Variants in AGO3 observed in about 807,000 individuals in gnomAD.
The protein encoded by AGO3 is argonaute RISC catalytic component 3, also known as protein argonaute-3.
A neutral mutation model predicts 105.5 loss-of-function variants in AGO3; 16 were observed. That is an observed-to-expected ratio of 0.15 (90% confidence interval 0.10 to 0.23). The LOEUF (loss-of-function observed/expected upper bound fraction) is 0.23, where lower values mean the gene tolerates loss of function less well. Ranked by LOEUF, AGO3 falls within the 10% of genes least tolerant of loss-of-function variation. AGO3 has a pLI of 1.00. For missense variants in AGO3, 534 were observed against 1,088.0 expected (o/e 0.49, Z 7.16); for synonymous variants, 340 against 367.3 (o/e 0.93, Z 0.85).
At chr1:36,029,837 C>A (rs149932522) in intron 12 of AGO3, among the ~76,000 whole-genome samples, 1 of 151,852 alleles carries the variant, frequency 6.6e-6, no homozygotes, top group East Asian at 1.9e-4. Context: ...GGTCTATAGG[C>A]GCGTGCCACC....
intron 17 of AGO3, among the ~76,000 whole-genome samples, chr1:36,048,528 C>T (rs1642569718): frequency 6.6e-6 from 1 of 151,974 alleles, no homozygotes; most frequent in South Asian, 2.1e-4. Flanking sequence ...AAGATTCAAA[C>T]CTTGTTGCTC....
rs1316704079 is a variant in AGO3, at chr1:36,061,270, A to G, written c.*5525A>G. The G allele has an allele frequency of 6.6e-6, 1 of 152,084 alleles. No individual in the cohort carries two copies. Among genetic ancestry groups the G allele is most frequent in the African/African-American group, 2.4e-5 (1 of 41,400 alleles). 9.4% of individuals were successfully genotyped at this position (152,084 alleles called of 1,614,324 possible). On this transcript the variant is annotated 3_prime_UTR_variant, in exon 19 of 19. Coordinates refer to ENST00000373191, the MANE Select transcript of AGO3 (RefSeq NM_024852.4). ...GAAAAATTATTTTGACTTTTTTCCT[A>G]CTTTTAAAATGGTACATTTAAGTTT...
intron 5 of AGO3, chr1:35,982,737 T>A (rs1346786474): frequency 2.9e-6 from 2 of 687,134 alleles, no homozygotes; most frequent in Non-Finnish European, 5.3e-6. Context: ...TGGTCTAATG[T>A]GGGATGGAGA....
chr1:35,987,492 C>CA (rs894858246), intron 5 of AGO3, among the ~76,000 whole-genome samples: 78 of 146,832 alleles, frequency 5.3e-4, no homozygotes, highest in Non-Finnish European at 8.1e-4. Flanking sequence ...GACTCTGTTT[C>CA]AAAAAAAAAG....
intron 17 of AGO3, among the ~76,000 whole-genome samples, chr1:36,051,313 A>G (rs1472590253): frequency 6.6e-6 from 1 of 152,214 alleles, no homozygotes; most frequent in Non-Finnish European, 1.5e-5. Flanking sequence ...TTAAGAAGAA[A>G]TTTTTAAAAT....
At chr1:36,044,080 C>T (rs916529718) in intron 17 of AGO3, among the ~76,000 whole-genome samples, 1 of 152,168 alleles carries the variant, frequency 6.6e-6, no homozygotes, top group African/African-American at 2.4e-5. Context: ...CATGGTGGCT[C>T]ACGCCTATAA....
intron 3 of AGO3, among the ~76,000 whole-genome samples, chr1:35,968,300 G>A (rs976916726): frequency 2.0e-5 from 3 of 152,066 alleles, no homozygotes; most frequent in Non-Finnish European, 2.9e-5. Context: ...AAAATTTACC[G>A]TCTTAACCAT....
At position 36,013,935 on chromosome 1, in the gene AGO3, G is replaced by A. The variant is rs1350354107; in HGVS notation, c.1293G>A (p.Pro431=). The change falls in exon 11 of 19, where the codon CCG becomes CCA. Residue 431 remains proline (P), a synonymous_variant. Transcript: ENST00000373191. ...TGTAGAATCGGACAGTAGCAACACC[G>A]AGCCATGGAGTATGGGACATGCGAG... ...YGGRNRTVAT[P]SHGVWDMRGK... 5.6e-6 allele frequency: 9 copies of A among 1,612,164 alleles called. No individual in the cohort carries two copies. The highest frequency in any genetic ancestry group is 2.2e-5 in the East Asian group (1 of 44,754).
At chr1:36,013,784 A>G (rs780040981) in intron 10 of AGO3, 32 bp downstream of exon 10, 4 of 1,607,924 alleles carry the variant, frequency 2.5e-6, no homozygotes, top group African/African-American at 1.3e-5. Context: ...TTAATCATAC[A>G]CATATTGTCT....
intron 5 of AGO3, among the ~76,000 whole-genome samples, chr1:35,976,236 A>G (rs1364846646): frequency 2.0e-5 from 3 of 152,024 alleles, no homozygotes; most frequent in African/African-American, 7.2e-5. Context: ...CACCCAGGCC[A>G]TTTCTTGTTA....
intron 17 of AGO3, among the ~76,000 whole-genome samples, chr1:36,048,756 C>A (rs1557713309): frequency 6.6e-6 from 1 of 152,184 alleles, no homozygotes; most frequent in Non-Finnish European, 1.5e-5. Flanking sequence ...GTGGTGCAAT[C>A]TCAACTCACT....
Position 36,008,596 on chromosome 1 carries a change from A to T in AGO3, c.794-94A>T, listed in dbSNP as rs552137192. 1 of 1,203,850 alleles carries T rather than the reference A, an allele frequency of 8.3e-7. No homozygotes were observed. The highest frequency in any genetic ancestry group is 2.5e-5 in the East Asian group (1 of 40,344). The allele number at this position is 1,203,850 out of a possible 1,614,324, so 74.6% of individuals were successfully genotyped here. A position where few individuals can be genotyped will look rare whatever the true frequency, so the allele number is the denominator to read the frequency against. The stretch of plus-strand genomic sequence containing the variant: ...GTATCACAGAATTTTTTGTCTGTTC[A>T]GAATTGAGTTTTTATGGTAATGAAC... On this transcript the variant is annotated intron_variant, in intron 6 of 18. Coordinates refer to ENST00000373191, the MANE Select transcript of AGO3 (RefSeq NM_024852.4). The surrounding 1 kb of genome is among the most constrained non-coding windows in gnomAD (Gnocchi z 5.1).
In AGO3 at chr1:35,962,272, C is replaced by A. The variant is rs183887717; in HGVS notation, c.192-4683C>A. 8.1e-3 allele frequency among the ~76,000 whole-genome samples: 1,230 copies of A among 152,134 alleles called. 16 individuals carry two copies. The highest frequency in any genetic ancestry group is 0.028 in the African/African-American group (1,153 of 41,532). ...AAAACATACGTTACTGGCCAGGCGC[C>A]GTGGCTCACACCTGTAATCCCAGCA... On this transcript the variant is annotated intron_variant, in intron 2 of 18. Coordinates refer to ENST00000373191, the MANE Select transcript of AGO3 (RefSeq NM_024852.4).
chr1:35,975,846 C>T (rs1646946785), intron 5 of AGO3, among the ~76,000 whole-genome samples: 1 of 151,850 alleles, frequency 6.6e-6, no homozygotes, highest in South Asian at 2.1e-4. Context: ...AAAGAATATA[C>T]TATGTCTTTC....
At chr1:36,015,180 T>G (rs1182698095) in intron 11 of AGO3, among the ~76,000 whole-genome samples, 1 of 152,164 alleles carries the variant, frequency 6.6e-6, no homozygotes, top group Non-Finnish European at 1.5e-5. Flanking sequence ...GATAGATTCG[T>G]CTGATAGAGC....
In AGO3 at chr1:35,960,644, TA is replaced by T. The variant is rs909197195; in HGVS notation, c.192-6303del. On this transcript the variant is annotated intron_variant, in intron 2 of 18. Coordinates refer to ENST00000373191, the MANE Select transcript of AGO3 (RefSeq NM_024852.4). The stretch of plus-strand genomic sequence containing the variant: ...GCAACATAGTGAGACCCCATCTCTT[TA>T]AAAAAAATTCTAAATATATGAATTA... 2.6e-5 allele frequency among the ~76,000 whole-genome samples: 4 copies of T among 151,824 alleles called. No individual in the cohort carries two copies. The East Asian group carries it at 5.8e-4, about 22-fold the overall frequency.
chr1:35,957,974 G>A (rs1646602163), intron 2 of AGO3, among the ~76,000 whole-genome samples: 1 of 151,808 alleles, frequency 6.6e-6, no homozygotes, highest in Non-Finnish European at 1.5e-5. Flanking sequence ...GCTGAGGTGA[G>A]AGGATTGCTC....
chr1:35,962,638 TTA>T (rs1160862633), intron 2 of AGO3, among the ~76,000 whole-genome samples: 1 of 151,838 alleles, frequency 6.6e-6, no homozygotes, highest in African/African-American at 2.4e-5. Flanking sequence ...TCAGATTGAT[TTA>T]TATATGGGAA....
At chr1:35,961,763 C>CTTAAG (rs1646681171) in intron 2 of AGO3, among the ~76,000 whole-genome samples, 1 of 152,160 alleles carries the variant, frequency 6.6e-6, no homozygotes, top group Non-Finnish European at 1.5e-5. Context: ...GGATAGTTAC[C>CTTAAG]TGCCTTATTA....
Sources: allele counts gnomAD v4.1 joint callset (sites outside exome capture counted in the v4.1 genomes callset), GRCh38; gene constraint gnomAD v4.1.1; non-coding constraint Gnocchi (gnomAD v3.1); transcripts MANE v1.5; gene names NCBI Gene and HGNC (gene_info 2026-07-23, HGNC 2026-07-21).